RNF187: variants seen among roughly 807,000 people sequenced by gnomAD.
RNF187 encodes the protein ring finger protein 187.
In RNF187, 18 loss-of-function variants were observed where a neutral mutation model predicts 22.2. The observed-to-expected ratio is 0.81, with a 90% CI of 0.56 to 1.20. RNF187 has a LOEUF of 1.20. RNF187 is among the 50% of genes most tolerant of loss of function. RNF187 has a pLI of 0.00. For missense variants in RNF187, 329 were observed against 317.6 expected, an observed-to-expected ratio of 1.04 and a Z score of -0.27; for synonymous variants, 164 against 140.9, an observed-to-expected ratio of 1.16 and a Z score of -1.16.
chr1:228,493,241 G>C lies in RNF187; in HGVS notation c.672G>C (p.Lys224Asn), dbSNP rs1261108403. The C allele has an allele frequency of 6.4e-7, 1 of 1,551,170 alleles. No homozygotes were observed. Among genetic ancestry groups the C allele is most frequent in the Non-Finnish European group, 8.7e-7 (1 of 1,146,960 alleles). Residue 224 changes from lysine to asparagine, a missense_variant, in exon 3 of 4, where the codon AAG becomes AAC. Coordinates refer to ENST00000305943, the MANE Select transcript of RNF187 (RefSeq NM_001010858.3). This position sits in a 1 kb window ranked among gnomAD's most constrained non-coding sequence, Gnocchi z 4.7. ...AGGCGGTCTCGGAGCTGGAGAAGAA[G>C]CATCGCAACCTGGGCCTCAGCATGC...
At position 228,495,085 on chromosome 1, in the gene RNF187, T is replaced by C; in HGVS notation, c.*1200T>C. 1.0e-6 allele frequency: 1 copy of C among 957,860 alleles called. No individual in the cohort carries two copies. The highest frequency in any genetic ancestry group is 1.8e-5 in the African/African-American group (1 of 56,742). The allele number at this position is 957,860 out of a possible 1,614,324, so 59.3% of individuals were successfully genotyped here. On this transcript the variant is annotated 3_prime_UTR_variant, in exon 4 of 4. Transcript: ENST00000305943. ...TGCTAAAGCATGGTGAGGAGGACTT[T>C]GATTGGGACCATTGAGATGGGTGTG...
Position 228,493,775 on chromosome 1 carries a change from G to GTCTCATGTGCGCTC in RNF187, c.706-103_706-90dup. 8.3e-7 allele frequency: 1 copy of GTCTCATGTGCGCTC among 1,209,056 alleles called. No individual in the cohort carries two copies. Among genetic ancestry groups the GTCTCATGTGCGCTC allele is most frequent in the Non-Finnish European group, 1.2e-6 (1 of 836,724 alleles). The allele number at this position is 1,209,056 out of a possible 1,614,324, so 74.9% of individuals were successfully genotyped here. A position where few individuals can be genotyped will look rare whatever the true frequency, so the allele number is the denominator to read the frequency against. On this transcript the variant is annotated intron_variant, in intron 3 of 3. Coordinates refer to ENST00000305943, the MANE Select transcript of RNF187 (RefSeq NM_001010858.3). The surrounding 1 kb of genome is among the most constrained non-coding windows in gnomAD (Gnocchi z 4.7). ...TGCTCAGGACAGTACCTCATGCGCT[G>GTCTCATGTGCGCTC]TCTCATGTGCGCTCTCTCTTTCGCT...
rs1237959384 is a variant in RNF187, at chr1:228,487,403, C to T, written c.-86C>T. On this transcript the variant is annotated 5_prime_UTR_variant, in exon 1 of 4. Transcript: ENST00000305943. ...CGGCGTTGGCGTCTTCGTCCTGTTG[C>T]TGGTCTCCGTCCGGTCGCCGGCCGT... 6 of 1,057,510 alleles carry T rather than the reference C, an allele frequency of 5.7e-6. No homozygotes were observed. Among genetic ancestry groups the T allele is most frequent in the Middle Eastern group, 4.3e-4 (1 of 2,310 alleles). 65.5% of individuals were successfully genotyped at this position (1,057,510 alleles called of 1,614,324 possible).
Position 228,494,275 on chromosome 1 carries a change from C to T in RNF187, c.*390C>T. ...GGGCCCACAGATCCTTGGCAGGTAC[C>T]TGAGGTGCACCATTGAGTGTCGGAT... On this transcript the variant is annotated 3_prime_UTR_variant, in exon 4 of 4. Coordinates refer to ENST00000305943, the MANE Select transcript of RNF187 (RefSeq NM_001010858.3). The T allele has an allele frequency of 6.8e-6, 8 of 1,175,012 alleles. No homozygotes were observed. Among genetic ancestry groups the T allele is most frequent in the Non-Finnish European group, 6.4e-6 (6 of 941,192 alleles). The allele number at this position is 1,175,012 out of a possible 1,614,324, so 72.8% of individuals were successfully genotyped here.
At position 228,487,493 on chromosome 1, in the gene RNF187, C is replaced by G; in HGVS notation, c.5C>G (p.Ala2Gly). The change falls in exon 1 of 4, where the codon GCG (alanine) becomes GGG (glycine). Residue 2 changes from alanine to glycine, a missense_variant. Coordinates refer to ENST00000305943, the MANE Select transcript of RNF187 (RefSeq NM_001010858.3). ...CCGGCCCCGCCGCCCGCAGCCCTGG[C>G]GCTCCCTGCGGGCCCCGCCGAGGCC... The G allele has an allele frequency of 1.8e-6, 2 of 1,126,980 alleles. No individual in the cohort carries two copies. Among genetic ancestry groups the G allele is most frequent in the Non-Finnish European group, 2.2e-6 (2 of 923,466 alleles). 69.8% of individuals were successfully genotyped at this position (1,126,980 alleles called of 1,614,324 possible).
intron 2 of RNF187, among the ~76,000 whole-genome samples, chr1:228,489,279 C>A: frequency 6.6e-6 from 1 of 152,134 alleles, no homozygotes; most frequent in Non-Finnish European, 1.5e-5. Flanking sequence ...TTTCTCCTCA[C>A]ATTTTACCTG....
intron 1 of RNF187, among the ~76,000 whole-genome samples, 200 bp from the exon 2 acceptor site, chr1:228,488,760 C>G: frequency 6.6e-6 from 1 of 152,222 alleles, no homozygotes; most frequent in African/African-American, 2.4e-5. Context: ...GCCCCAGCAC[C>G]CAGATCCTTC....
Position 228,494,569 on chromosome 1 carries a change from T to C in RNF187, c.*684T>C. ...GCAGAAGGAAGCCTCTTTCTCTGTT[T>C]CCCTGGGTGAGGGGGCTGGCAGGTG... On this transcript the variant is annotated 3_prime_UTR_variant, in exon 4 of 4. Transcript: ENST00000305943. The C allele has an allele frequency of 1.0e-6, 1 of 985,796 alleles. No individual in the cohort carries two copies. The highest frequency in any genetic ancestry group is 1.7e-5 in the African/African-American group (1 of 57,358). The allele number at this position is 985,796 out of a possible 1,614,324, so 61.1% of individuals were successfully genotyped here.
intron 2 of RNF187, among the ~76,000 whole-genome samples, chr1:228,491,912 C>G: frequency 6.6e-6 from 1 of 152,182 alleles, no homozygotes; most frequent in Non-Finnish European, 1.5e-5. Flanking sequence ...TTCACAAGGT[C>G]TGTACCAAAT....
At position 228,493,160 on chromosome 1, in the gene RNF187, G is replaced by C; in HGVS notation, c.591G>C (p.Glu197Asp). The change falls in exon 3 of 4, where the codon GAG becomes GAC. Residue 197 changes from glutamate (E) to aspartate (D), a missense_variant. Physicochemically the swap from Glu to Asp is conservative, Grantham distance 45 (BLOSUM62 2). Transcript: ENST00000305943. The surrounding 1 kb of genome is among the most constrained non-coding windows in gnomAD (Gnocchi z 4.7). Reference sequence around the variant, plus strand: ...TCCTGCAGGAGGCTGAGAAGGAGGAGGGGCTCCCTGAGGACGAGCTGGCTG... The same window carrying C: ...TCCTGCAGGAGGCTGAGAAGGAGGACGGGCTCCCTGAGGACGAGCTGGCTG... 1 of 1,551,778 alleles carries C rather than the reference G, an allele frequency of 6.4e-7. No individual in the cohort carries two copies. The highest frequency in any genetic ancestry group is 1.7e-4 in the Middle Eastern group (1 of 5,974).
At position 228,494,463 on chromosome 1, in the gene RNF187, C is replaced by G; in HGVS notation, c.*578C>G. 4.0e-6 allele frequency: 4 copies of G among 988,748 alleles called. No individual in the cohort carries two copies. Among genetic ancestry groups the G allele is most frequent in the Admixed American group, 1.2e-4 (2 of 17,098 alleles). The allele number at this position is 988,748 out of a possible 1,614,324, so 61.2% of individuals were successfully genotyped here. A position where few individuals can be genotyped will look rare whatever the true frequency, so the allele number is the denominator to read the frequency against. On this transcript the variant is annotated 3_prime_UTR_variant, in exon 4 of 4. Transcript: ENST00000305943. ...GGGCCCGGCCCAGCCTTATCCAAGT[C>G]GCTCTGTCCACCTCCCCCTTCCTGG...
rs914778317 is a variant in RNF187, at chr1:228,487,655, G to T, written c.167G>T (p.Cys56Phe). ...CCGTGCCCCGAGTGCGCCGACGACTGCTGGCAGCGCGCCGTGGAGCCCGGC... is the reference window on the plus strand; with the variant it reads ...CCGTGCCCCGAGTGCGCCGACGACTTCTGGCAGCGCGCCGTGGAGCCCGGC... Residue 56 changes from cysteine to phenylalanine, a missense_variant, in exon 1 of 4, where the codon TGC (cysteine) becomes TTC (phenylalanine). Physicochemically the swap from Cys to Phe is radical, Grantham distance 205. Coordinates refer to ENST00000305943, the MANE Select transcript of RNF187 (RefSeq NM_001010858.3). The T allele has an allele frequency of 1.7e-6, 2 of 1,155,332 alleles. No individual in the cohort carries two copies. The highest frequency in any genetic ancestry group is 8.0e-5 in the Admixed American group (2 of 25,068). 71.6% of individuals were successfully genotyped at this position (1,155,332 alleles called of 1,614,324 possible).
intron 1 of RNF187, 39 bp downstream of exon 1, chr1:228,487,917 G>A: frequency 1.8e-6 from 2 of 1,136,948 alleles, no homozygotes; most frequent in East Asian, 4.3e-5. Context: ...CCCGGACGGT[G>A]CCCTGCGCCT....
At chr1:228,489,309 ACTT>A in intron 2 of RNF187, among the ~76,000 whole-genome samples, 1 of 151,604 alleles carries the variant, frequency 6.6e-6, no homozygotes, top group South Asian at 2.1e-4. Flanking sequence ...GCAGCATCAG[ACTT>A]CTTTTTTTTT....
Position 228,494,384 on chromosome 1 carries a change from T to G in RNF187, c.*499T>G. 1 of 1,016,758 alleles carries G rather than the reference T, an allele frequency of 9.8e-7. No homozygotes were observed. Among genetic ancestry groups the G allele is most frequent in the Non-Finnish European group, 1.2e-6 (1 of 847,814 alleles). The allele number at this position is 1,016,758 out of a possible 1,614,324, so 63.0% of individuals were successfully genotyped here. A position where few individuals can be genotyped will look rare whatever the true frequency, so the allele number is the denominator to read the frequency against. On this transcript the variant is annotated 3_prime_UTR_variant, in exon 4 of 4. Coordinates refer to ENST00000305943, the MANE Select transcript of RNF187 (RefSeq NM_001010858.3). ...GGTCTTCAGGGAGAGAAAGGAAGAC[T>G]GGATTGCACCTTGATGCCTCCTGAG... is the stretch of plus-strand genomic sequence containing the variant.
intron 2 of RNF187, among the ~76,000 whole-genome samples, chr1:228,489,762 G>A: frequency 5.2e-5 from 2 of 38,320 alleles, no homozygotes; most frequent in South Asian, 2.0e-3. Flanking sequence ...AAGAAGTGAG[G>A]GTGTCTCTGG....
At chr1:228,488,920 G>A in intron 1 of RNF187, 40 bp from the exon 2 acceptor site, 8 of 1,513,812 alleles carry the variant, frequency 5.3e-6, no homozygotes, top group Non-Finnish European at 7.2e-6. Context: ...GGGGGACCCA[G>A]AGCTTCTGCC....
chr1:228,487,627 T>C lies in RNF187; in HGVS notation c.139T>C (p.Phe47Leu). Reference sequence around the variant, plus strand: ...CTTCTGGGCCGAGGAGGACGGGCCCTTCCCGTGCCCCGAGTGCGCCGACGA... The same window carrying C: ...CTTCTGGGCCGAGGAGGACGGGCCCCTCCCGTGCCCCGAGTGCGCCGACGA... Residue 47 changes from phenylalanine to leucine, a missense_variant, in exon 1 of 4, where the codon TTC becomes CTC. By Grantham distance (22) the Phe-to-Leu change is conservative (BLOSUM62 0). Transcript: ENST00000305943. 1 of 1,221,714 alleles carries C rather than the reference T, an allele frequency of 8.2e-7. No homozygotes were observed. Among genetic ancestry groups the C allele is most frequent in the East Asian group, 4.8e-5 (1 of 20,794 alleles). 75.7% of individuals were successfully genotyped at this position (1,221,714 alleles called of 1,614,324 possible).
chr1:228,487,636 C>T lies in RNF187; in HGVS notation c.148C>T (p.Pro50Ser). 8.4e-7 allele frequency: 1 copy of T among 1,197,282 alleles called. No individual in the cohort carries two copies. Among genetic ancestry groups the T allele is most frequent in the Non-Finnish European group, 1.0e-6 (1 of 952,878 alleles). The allele number at this position is 1,197,282 out of a possible 1,614,324, so 74.2% of individuals were successfully genotyped here. The change falls in exon 1 of 4, where the codon CCC becomes TCC. Residue 50 changes from proline (P) to serine (S), a missense_variant. Coordinates refer to ENST00000305943, the MANE Select transcript of RNF187 (RefSeq NM_001010858.3). ...CGAGGAGGACGGGCCCTTCCCGTGC[C>T]CCGAGTGCGCCGACGACTGCTGGCA...
Sources: gnomAD v4.1 joint callset for allele counts (sites outside exome capture counted in the v4.1 genomes callset) on GRCh38, gnomAD v4.1.1 for gene constraint, Gnocchi (gnomAD v3.1) non-coding constraint, MANE v1.5 for transcripts, NCBI Gene and HGNC (gene_info 2026-07-23, HGNC 2026-07-21) for gene names.